The following EIF4G3 variants were observed in gnomAD, a reference collection of about 807,000 sequenced individuals.
EIF4G3 encodes the protein eukaryotic translation initiation factor 4 gamma 3, also known as eIF-4-gamma 3.
A neutral mutation model predicts 186.4 loss-of-function variants in EIF4G3; 34 were observed. That is an observed-to-expected ratio of 0.18 (90% CI 0.14 to 0.24). The LOEUF is 0.24. Ranked by LOEUF, EIF4G3 falls within the 10% of genes least tolerant of loss-of-function variation. EIF4G3 has a pLI of 1.00. For missense variants in EIF4G3, 1,536 were observed against 1,948.5 expected, an observed-to-expected ratio of 0.79 and a Z score of 3.99; for synonymous variants, 673 against 679.5, an observed-to-expected ratio of 0.99 and a Z score of 0.15.
At chr1:20,944,345 T>C (rs757363820) in intron 13 of EIF4G3, among the ~76,000 whole-genome samples, 1 of 151,962 alleles carries the variant, frequency 6.6e-6, no homozygotes, top group Non-Finnish European at 1.5e-5. Flanking sequence ...TGAGACCTTT[T>C]GTCTACAAAA....
chr1:20,905,691 G>A (rs540089662), intron 14 of EIF4G3, among the ~76,000 whole-genome samples: 1 of 152,326 alleles, frequency 6.6e-6, no homozygotes, highest in South Asian at 2.1e-4. Context: ...AATCATGGGT[G>A]TATAAGTGAA....
chr1:20,974,436 C>T (rs2076444056), intron 10 of EIF4G3, among the ~76,000 whole-genome samples: 1 of 152,122 alleles, frequency 6.6e-6, no homozygotes, highest in African/African-American at 2.4e-5. Flanking sequence ...TGTGCTTAAC[C>T]ACATCAAATG....
At position 21,089,185 on chromosome 1, in the gene EIF4G3, G is replaced by A. The variant is rs1212571058; in HGVS notation, c.-243C>T. On this transcript the variant is annotated 5_prime_UTR_variant, in exon 3 of 37. Coordinates refer to ENST00000602326, the MANE Select transcript of EIF4G3 (RefSeq NM_001391906.1). ...GCGGGAGTGAAGATTCGATCCTCAA[G>A]AGGTTGTTGCACAGGTCCTCTAGGA... 1 of 717,302 alleles carries A rather than the reference G, an allele frequency of 1.4e-6. No homozygotes were observed. Among genetic ancestry groups the A allele is most frequent in the Admixed American group, 2.0e-5 (1 of 49,994 alleles). The allele number at this position is 717,302 out of a possible 1,614,324, so 44.4% of individuals were successfully genotyped here.
chr1:21,022,021 C>T (rs1036575860), intron 4 of EIF4G3, among the ~76,000 whole-genome samples: 15 of 152,124 alleles, frequency 9.9e-5, no homozygotes, highest in Non-Finnish European at 1.8e-4. Context: ...TTGCTATAGC[C>T]TCACAAAAAG....
At chr1:20,908,302 A>G (rs2092613693) in intron 14 of EIF4G3, among the ~76,000 whole-genome samples, 1 of 152,084 alleles carries the variant, frequency 6.6e-6, no homozygotes, top group Non-Finnish European at 1.5e-5. Context: ...CCTTTGTCAG[A>G]TGAGTAGGTT....
intron 4 of EIF4G3, among the ~76,000 whole-genome samples, chr1:21,047,818 T>C (rs1010677209): frequency 2.0e-5 from 3 of 152,196 alleles, no homozygotes; most frequent in African/African-American, 7.2e-5. Flanking sequence ...GAGTTTCCCA[T>C]GGAACTCTTC....
At chr1:20,983,392 C>T (rs2078721822) in intron 7 of EIF4G3, among the ~76,000 whole-genome samples, 1 of 152,148 alleles carries the variant, frequency 6.6e-6, no homozygotes, top group Non-Finnish European at 1.5e-5. Context: ...GTTATCTCCA[C>T]TGACACAGTT....
chr1:21,045,049 G>T (rs1465631020), intron 4 of EIF4G3, among the ~76,000 whole-genome samples: 1 of 152,008 alleles, frequency 6.6e-6, no homozygotes, highest in Non-Finnish European at 1.5e-5. Context: ...GAGTCCAGGG[G>T]GTCAAGGCTG....
At chr1:21,020,282 G>T (rs745425716) in intron 4 of EIF4G3, among the ~76,000 whole-genome samples, 1 of 152,048 alleles carries the variant, frequency 6.6e-6, no homozygotes, top group African/African-American at 2.4e-5. Flanking sequence ...GAGCTTAAAA[G>T]TTCAAGACCA....
intron 14 of EIF4G3, among the ~76,000 whole-genome samples, chr1:20,934,551 G>C (rs2095452590): frequency 6.6e-6 from 1 of 152,118 alleles, no homozygotes; most frequent in African/African-American, 2.4e-5. Flanking sequence ...AATAAAGAAG[G>C]AGACGAGGTC....
In EIF4G3 at chr1:20,886,237, G is replaced by C. The variant is rs1368128587; in HGVS notation, c.2388C>G (p.Asp796Glu). 1 of 1,613,836 alleles carries C rather than the reference G, an allele frequency of 6.2e-7. No individual in the cohort carries two copies. The highest frequency in any genetic ancestry group is 8.5e-7 in the Non-Finnish European group (1 of 1,179,934). ...ENAWKPSQKR[D>E]SQADDPENIK... ...TGTTTTCGGGATCATCGGCTTGGCT[G>C]TCTCGTTTTTGGCTTGGCTTCCAGG... is the stretch of plus-strand genomic sequence containing the variant. The change falls in exon 19 of 37, where the codon GAC becomes GAG. Residue 796 changes from aspartate (D) to glutamate (E), a missense_variant. Around this residue, in one of 11 missense-constraint regions of EIF4G3, gnomAD observed 139 missense variants for 192.8 expected, o/e 0.72. Transcript: ENST00000602326.
At chr1:20,895,271 C>A in intron 17 of EIF4G3, 97 bp downstream of exon 17, 6 of 1,349,280 alleles carry the variant, frequency 4.4e-6, no homozygotes, top group Non-Finnish European at 6.1e-6. Context: ...TTTGGTCTAA[C>A]AATTACTAAA....
At chr1:21,007,094 A>G (rs2085298970) in intron 4 of EIF4G3, among the ~76,000 whole-genome samples, 1 of 152,134 alleles carries the variant, frequency 6.6e-6, no homozygotes, top group African/African-American at 2.4e-5. Flanking sequence ...CTAAGCTGCC[A>G]AATTTTCAAA....
intron 7 of EIF4G3, among the ~76,000 whole-genome samples, chr1:20,992,545 C>T (rs1020871035): frequency 1.3e-5 from 2 of 152,172 alleles, no homozygotes; most frequent in Non-Finnish European, 2.9e-5. Context: ...TCCTCCTCCT[C>T]CTCCTCCTGC....
intron 4 of EIF4G3, among the ~76,000 whole-genome samples, chr1:21,021,261 G>C (rs1400967716): frequency 6.6e-6 from 1 of 152,164 alleles, no homozygotes; most frequent in African/African-American, 2.4e-5. Context: ...TGGGATTATA[G>C]TCATAAACCA....
intron 33 of EIF4G3, among the ~76,000 whole-genome samples, chr1:20,819,080 G>A (rs2061690614): frequency 6.6e-6 from 1 of 151,998 alleles, no homozygotes; most frequent in Non-Finnish European, 1.5e-5. Flanking sequence ...TAAGATTTTA[G>A]AAACATGGCT....
chr1:21,176,430 G>A (rs953804954), intron 1 of EIF4G3, 72 bp from the exon 2 acceptor site: 1 of 209,010 alleles, frequency 4.8e-6, no homozygotes, highest in Non-Finnish European at 9.2e-6. Flanking sequence ...GAGCGGGACC[G>A]GGCGCGCCGG....
At chr1:21,100,343 AC>A (rs2096488238) in intron 2 of EIF4G3, among the ~76,000 whole-genome samples, 1 of 152,192 alleles carries the variant, frequency 6.6e-6, no homozygotes, top group Admixed American at 6.6e-5. Flanking sequence ...GTACATTTGT[AC>A]ATTTTAATTG....
intron 2 of EIF4G3, among the ~76,000 whole-genome samples, chr1:21,141,377 T>TTG (rs10627733): frequency 0.37 from 53,172 of 145,042 alleles, 10,151 homozygotes; most frequent in Non-Finnish European, 0.43. Context: ...TATTTTTTCT[T>TTG]TGTGTGTGTG....
Sources: allele counts gnomAD v4.1 joint callset (sites outside exome capture counted in the v4.1 genomes callset), GRCh38; gene constraint gnomAD v4.1.1; regional missense constraint gnomAD v4.1.1; transcripts MANE v1.5; gene names NCBI Gene and HGNC (gene_info 2026-07-23, HGNC 2026-07-21).